Variants in SMC1A observed in about 807,000 individuals in gnomAD.
The protein encoded by SMC1A is structural maintenance of chromosomes protein 1A.
Under a neutral mutation model 94.5 loss-of-function variants are expected in SMC1A, and 4 were observed. The observed-to-expected ratio is 0.04, with a 90% CI of 0.02 to 0.10. The LOEUF (loss-of-function observed/expected upper bound fraction) is 0.10, where lower values mean the gene tolerates loss of function less well. SMC1A is among the 10% of genes least tolerant of loss of function. The probability of loss-of-function intolerance (pLI) is 1.00; values close to 1 mark genes in which losing one functional copy is unlikely to be tolerated. For synonymous variants in SMC1A, 345 were observed against 347.7 expected, an observed-to-expected ratio of 0.99 and a Z score of 0.09; for missense variants, 304 against 989.0, an observed-to-expected ratio of 0.31 and a Z score of 9.29.
chrX:53,397,560 G>A (rs1418790753), intron 16 of SMC1A, among the ~76,000 whole-genome samples: 2 of 96,164 alleles, frequency 2.1e-5, no homozygotes, highest in Admixed American at 1.1e-4. Flanking sequence ...TAAACAGGGC[G>A]ACAGGGCGAG....
intron 9 of SMC1A, among the ~76,000 whole-genome samples, chrX:53,408,317 C>A (rs782141836): frequency 1.8e-5 from 2 of 111,244 alleles, no homozygotes; most frequent in African/African-American, 3.3e-5. Context: ...GGCGACAGAG[C>A]GAGACTCCAT....
At chrX:53,389,687 G>A (rs191436257) in intron 19 of SMC1A, among the ~76,000 whole-genome samples, 38 of 109,197 alleles carry the variant, frequency 3.5e-4, no homozygotes, top group African/African-American at 1.2e-3. Flanking sequence ...CTGAGATTGT[G>A]CCCCTGCACA....
chrX:53,405,470 A>G, intron 11 of SMC1A, 23 bp downstream of exon 11: 15 of 1,211,716 alleles, frequency 1.2e-5, no homozygotes, highest in Non-Finnish European at 1.7e-5. Flanking sequence ...GTCCAGCTCC[A>G]GCCTGGGCAA....
rs1262653673 is a variant in SMC1A, at chrX:53,379,632, T to C, written c.*471A>G. ...GACTCCTATGAGGTCCTGAGTACCT[T>C]TGCCCAGCTCAGGGGTGCTGTCATC... On this transcript the variant is annotated 3_prime_UTR_variant, in exon 25 of 25. Coordinates refer to ENST00000322213, the MANE Select transcript of SMC1A (RefSeq NM_006306.4). 5 of 132,775 alleles carry C rather than the reference T, an allele frequency of 3.8e-5. No homozygotes were observed. Among genetic ancestry groups the C allele is most frequent in the Admixed American group, 7.8e-5 (1 of 12,760 alleles). 10.9% of individuals were successfully genotyped at this position (132,775 alleles called of 1,213,427 possible).
chrX:53,407,534 A>G (rs2075695654), intron 9 of SMC1A, among the ~76,000 whole-genome samples: 1 of 112,283 alleles, frequency 8.9e-6, no homozygotes, highest in Non-Finnish European at 1.9e-5. Context: ...GAGCTGCACT[A>G]GTAAATTAAT....
At chrX:53,413,772 C>G (rs1458261708) in intron 3 of SMC1A, among the ~76,000 whole-genome samples, 1 of 111,055 alleles carries the variant, frequency 9.0e-6, no homozygotes, top group East Asian at 2.8e-4. Context: ...GGAAACTAAC[C>G]AAGAAAATAA....
Position 53,403,626 on chromosome X carries a change from C to A in SMC1A, c.2360G>T (p.Arg787Leu). 2.5e-6 allele frequency: 3 copies of A among 1,208,839 alleles called. No individual in the cohort carries two copies. Among genetic ancestry groups the A allele is most frequent in the Non-Finnish European group, 3.4e-6 (3 of 893,957 alleles). The change falls in exon 15 of 25, where the codon CGC becomes CTC. Residue 787 changes from arginine to leucine, a missense_variant. Arg to Leu is a moderately radical substitution (Grantham distance 102). Transcript: ENST00000322213. Reference sequence around the variant, plus strand: ...TTCTTCCTCAAACTCCCGGATGTTGCGCACACCAATCTCCCGACAAAACTC... The same window carrying A: ...TTCTTCCTCAAACTCCCGGATGTTGAGCACACCAATCTCCCGACAAAACTC... ...FEEFCREIGV[R>L]NIREFEEEKV...
intron 7 of SMC1A, among the ~76,000 whole-genome samples, chrX:53,411,389 A>C (rs1302539811): frequency 9.0e-6 from 1 of 110,797 alleles, no homozygotes; most frequent in African/African-American, 3.3e-5. Flanking sequence ...CAGGAGCTCG[A>C]GACCAGCCTG....
chrX:53,386,989 G>A (rs782013624), intron 19 of SMC1A, among the ~76,000 whole-genome samples: 258 of 111,784 alleles, frequency 2.3e-3, no homozygotes, highest in African/African-American at 8.0e-3. Context: ...TAATCAAATT[G>A]TTACTAATAA....
chrX:53,410,548 C>G (rs1239609962), intron 7 of SMC1A, among the ~76,000 whole-genome samples: 1 of 108,940 alleles, frequency 9.2e-6, no homozygotes, highest in Non-Finnish European at 1.9e-5. Flanking sequence ...ACCTGTAATC[C>G]CAGCACTTTA....
At chrX:53,406,012 G>GA in intron 9 of SMC1A, 56 bp from the exon 10 acceptor site, 1 of 1,069,530 alleles carries the variant, frequency 9.3e-7, no homozygotes, top group East Asian at 3.0e-5. Flanking sequence ...GCTGGCTCAG[G>GA]AATCCTAATT....
At chrX:53,409,036 GA>G in intron 9 of SMC1A, 25 bp downstream of exon 9, 1 of 1,187,894 alleles carries the variant, frequency 8.4e-7, no homozygotes, top group African/African-American at 1.7e-5. Flanking sequence ...AAGTGCTCAG[GA>G]AATGAGTTCC....
intron 7 of SMC1A, among the ~76,000 whole-genome samples, chrX:53,410,750 G>C (rs2075708088): frequency 1.9e-5 from 2 of 105,815 alleles, no homozygotes; most frequent in African/African-American, 6.9e-5. Context: ...GTAGTGAGCC[G>C]AGATGGCACC....
rs2075554210 is a variant in SMC1A, at chrX:53,374,831, C to T, written c.*5272G>A. On this transcript the variant is annotated 3_prime_UTR_variant, in exon 25 of 25. Transcript: ENST00000322213. ...TCTCTTTGCTTTTGCTGTTTAGTTT[C>T]TGGCCACCCCTCATCCACCACCACT... 8.9e-6 allele frequency: 1 copy of T among 112,837 alleles called. No homozygotes were observed. The highest frequency in any genetic ancestry group is 1.9e-5 in the Non-Finnish European group (1 of 53,322). The allele number at this position is 112,837 out of a possible 1,213,427, so 9.3% of individuals were successfully genotyped here. A position where few individuals can be genotyped will look rare whatever the true frequency, so the allele number is the denominator to read the frequency against.
intron 9 of SMC1A, among the ~76,000 whole-genome samples, chrX:53,406,742 C>G (rs1354301657): frequency 8.9e-6 from 1 of 111,782 alleles, no homozygotes; most frequent in Admixed American, 9.5e-5. Context: ...CTGTTGCCCA[C>G]GCTGAAGTGC....
intron 7 of SMC1A, 139 bp from the exon 8 acceptor site, chrX:53,409,642 T>C: frequency 1.9e-6 from 1 of 529,578 alleles, no homozygotes; most frequent in Non-Finnish European, 3.4e-6. Context: ...ATAGGAGGCC[T>C]ACTAAAAAGC....
intron 19 of SMC1A, among the ~76,000 whole-genome samples, chrX:53,389,705 G>A (rs1321790675): frequency 9.2e-6 from 1 of 109,249 alleles, no homozygotes; most frequent in Non-Finnish European, 1.9e-5. Flanking sequence ...ACACCAGCCC[G>A]TGATAGTACG....
At chrX:53,398,979 C>T (rs1443829958) in intron 16 of SMC1A, among the ~76,000 whole-genome samples, 1 of 111,476 alleles carries the variant, frequency 9.0e-6, no homozygotes, top group African/African-American at 3.3e-5. Context: ...GTGGCTCATG[C>T]TTGTAATCCC....
rs149864927 is a variant in SMC1A at position 53,419,123 on chromosome X, G to A, written c.109+3369C>T. Among the ~76,000 whole-genome samples the A allele has an allele frequency of 8.6e-3, 912 of 106,205 alleles. 7 individuals are homozygous for A. The highest frequency in any genetic ancestry group is 0.014 in the Non-Finnish European group (746 of 51,824). 92.2% of individuals were successfully genotyped at this position (106,205 alleles called of 115,157 possible). On this transcript the variant is annotated intron_variant, in intron 1 of 24. Coordinates refer to ENST00000322213, the MANE Select transcript of SMC1A (RefSeq NM_006306.4). ...TTAGTCTCTATAATTTCTATCTCAA[G>A]ACTGTCCCTAAAGAACTTATATATG...
Sources: allele counts gnomAD v4.1 joint callset (sites outside exome capture counted in the v4.1 genomes callset), GRCh38; gene constraint gnomAD v4.1.1; transcripts MANE v1.5; gene names NCBI Gene and HGNC (gene_info 2026-07-23, HGNC 2026-07-21).